The following RYR3 variants were observed in gnomAD, a reference collection of about 807,000 sequenced individuals.
The protein encoded by RYR3 is ryanodine receptor 3, also known as brain ryanodine receptor-calcium release channel.
A neutral mutation model predicts 584.3 loss-of-function variants in RYR3; 207 were observed. That is an observed-to-expected ratio of 0.35 (90% CI 0.32 to 0.40). The LOEUF is 0.40. Among genes scored for constraint, RYR3 ranks in the 10% least tolerant of loss-of-function variants. The pLI, the probability that RYR3 is intolerant of heterozygous loss-of-function variation, is 1.00. For synonymous variants in RYR3, 2,416 were observed against 2,248.5 expected (o/e 1.07, Z -2.11); for missense variants, 5,616 against 6,089.2 (o/e 0.92, Z 2.59).
intron 18 of RYR3, among the ~76,000 whole-genome samples, chr15:33,605,228 T>C (rs893212942): frequency 1.3e-5 from 2 of 152,212 alleles, no homozygotes; most frequent in Non-Finnish European, 2.9e-5. Flanking sequence ...GAGGAATGAA[T>C]ACATCAGTGA....
intron 69 of RYR3, among the ~76,000 whole-genome samples, chr15:33,805,623 G>A (rs534191835): frequency 0.055 from 8,372 of 151,696 alleles, 430 homozygotes; most frequent in African/African-American, 0.14. Context: ...GACTACAGGT[G>A]CCCGCCACCA....
chr15:33,447,549 C>G (rs2046773765), intron 1 of RYR3, among the ~76,000 whole-genome samples: 1 of 152,158 alleles, frequency 6.6e-6, no homozygotes, highest in South Asian at 2.1e-4. Flanking sequence ...GGGTTGTGCT[C>G]CCTCTGGGAA....
intron 38 of RYR3, among the ~76,000 whole-genome samples, chr15:33,690,251 T>A (rs534218520): frequency 6.6e-6 from 1 of 152,316 alleles, no homozygotes; most frequent in Admixed American, 6.5e-5. Flanking sequence ...CTCAGCATAA[T>A]ACAAGCCTGG....
chr15:33,632,478 TA>T (rs1220738757), intron 23 of RYR3, among the ~76,000 whole-genome samples: 2 of 152,258 alleles, frequency 1.3e-5, no homozygotes, highest in Non-Finnish European at 2.9e-5. Flanking sequence ...ATTCTTTTTT[TA>T]ATTCCAAAAG....
chr15:33,443,810 TCTC>T (rs1340785560), intron 1 of RYR3, among the ~76,000 whole-genome samples: 1 of 152,168 alleles, frequency 6.6e-6, no homozygotes, highest in Admixed American at 6.5e-5. Flanking sequence ...TCCTTATAAC[TCTC>T]CTCTTGTTTT....
intron 74 of RYR3, chr15:33,815,731 C>T (rs565056984): frequency 1.3e-5 from 5 of 394,208 alleles, no homozygotes; most frequent in South Asian, 1.4e-4. Flanking sequence ...ATCATCTAAC[C>T]GCACAGAATC....
chr15:33,792,985 C>A (rs1450745263), intron 67 of RYR3, among the ~76,000 whole-genome samples: 2 of 152,166 alleles, frequency 1.3e-5, no homozygotes, highest in African/African-American at 4.8e-5. Flanking sequence ...GCCTCAGACA[C>A]CAGCCACAAA....
At chr15:33,839,386 A>C (rs186767802) in intron 89 of RYR3, among the ~76,000 whole-genome samples, 2 of 152,168 alleles carry the variant, frequency 1.3e-5, no homozygotes, top group Non-Finnish European at 2.9e-5. Context: ...TGGCCTCTCT[A>C]TGAGTTTGAT....
At chr15:33,541,019 A>G in intron 7 of RYR3, 129 bp downstream of exon 7, 1 of 601,784 alleles carries the variant, frequency 1.7e-6, no homozygotes, top group Admixed American at 2.6e-5. Context: ...ATTTTAGCTC[A>G]CTTGAGTTTC....
intron 10 of RYR3, among the ~76,000 whole-genome samples, chr15:33,556,532 C>T (rs968044217): frequency 1.3e-5 from 2 of 152,180 alleles, no homozygotes; most frequent in African/African-American, 4.8e-5. Flanking sequence ...TACCACAGGA[C>T]TAACAAGAGC....
intron 1 of RYR3, among the ~76,000 whole-genome samples, chr15:33,403,373 A>G (rs1343131991): frequency 6.6e-6 from 1 of 152,222 alleles, no homozygotes; most frequent in Admixed American, 6.5e-5. Context: ...ATACATGTTT[A>G]AAGCTATGAA....
intron 94 of RYR3, chr15:33,849,476 T>C (rs947348070): frequency 2.0e-5 from 3 of 152,220 alleles, no homozygotes; most frequent in African/African-American, 4.8e-5. Context: ...GCTTGGCAAA[T>C]GCCTGGCACG....
intron 1 of RYR3, among the ~76,000 whole-genome samples, chr15:33,335,392 G>C (rs1970838749): frequency 6.6e-6 from 1 of 152,220 alleles, no homozygotes; most frequent in Admixed American, 6.5e-5. Context: ...CATGGATGGA[G>C]CTGGAGGCCA....
At chr15:33,724,876 T>G (rs2068229227) in intron 45 of RYR3, among the ~76,000 whole-genome samples, 1 of 152,060 alleles carries the variant, frequency 6.6e-6, no homozygotes, top group African/African-American at 2.4e-5. Flanking sequence ...CTTACCCACT[T>G]AGGCCTGTTT....
At chr15:33,483,466 A>C (rs2050150447) in intron 2 of RYR3, among the ~76,000 whole-genome samples, 2 of 152,160 alleles carry the variant, frequency 1.3e-5, no homozygotes, top group Non-Finnish European at 2.9e-5. Context: ...TGTAGCTGGC[A>C]GTTAAATTAC....
Position 33,392,257 on chromosome 15 carries a change from C to T in RYR3, c.51+81161C>T, listed in dbSNP as rs74942202. ...GAATGAAGAGACTCTGTCTGGGTCT[C>T]GTTGCATGCGTCAGTGTCTTAGGGT... is the stretch of plus-strand genomic sequence containing the variant. On this transcript the variant is annotated intron_variant, in intron 1 of 103. Coordinates refer to ENST00000634891, the MANE Select transcript of RYR3 (RefSeq NM_001036.6). Among the ~76,000 whole-genome samples, 1,359 of 151,208 alleles carry T rather than the reference C, an allele frequency of 9.0e-3. 22 individuals are homozygous for T. The highest frequency in any genetic ancestry group is 0.031 in the African/African-American group (1,288 of 41,228).
intron 103 of RYR3, chr15:33,864,909 AG>A: frequency 2.0e-6 from 1 of 502,598 alleles, no homozygotes; most frequent in Non-Finnish European, 3.5e-6. Flanking sequence ...TTTGGGGCAG[AG>A]GGGGATTTTT....
intron 94 of RYR3, chr15:33,851,551 C>G (rs1331804426): frequency 6.6e-6 from 1 of 152,154 alleles, no homozygotes; most frequent in African/African-American, 2.4e-5. Context: ...GGACTCGTAA[C>G]AAGTAAAAAA....
intron 2 of RYR3, among the ~76,000 whole-genome samples, chr15:33,498,463 T>G (rs1194530375): frequency 1.3e-5 from 2 of 152,186 alleles, no homozygotes; most frequent in Non-Finnish European, 2.9e-5. Context: ...TATTGCCCAC[T>G]TCTGTGTCTT....
Sources: gnomAD v4.1 joint callset for allele counts (sites outside exome capture counted in the v4.1 genomes callset) on GRCh38, gnomAD v4.1.1 for gene constraint, MANE v1.5 for transcripts, NCBI Gene and HGNC (gene_info 2026-07-23, HGNC 2026-07-21) for gene names.